The following FAT3 variants were observed in gnomAD, a reference collection of about 807,000 sequenced individuals.
The protein encoded by FAT3 is protocadherin Fat 3.
Under a neutral mutation model 310.2 loss-of-function variants are expected in FAT3, and 95 were observed. That is an observed-to-expected ratio of 0.31 (90% CI 0.26 to 0.36). The LOEUF is 0.36. Ranked by LOEUF, FAT3 falls within the 10% of genes least tolerant of loss-of-function variation. The pLI is 1.00. For synonymous variants in FAT3, 2,314 were observed against 2,192.9 expected (o/e 1.06, Z -1.54); for missense variants, 5,408 against 5,715.6 (o/e 0.95, Z 1.74).
chr11:92,827,608 C>G (rs902466440), intron 13 of FAT3, among the ~76,000 whole-genome samples: 1 of 152,148 alleles, frequency 6.6e-6, no homozygotes, highest in African/African-American at 2.4e-5. Flanking sequence ...TGTACAGTCC[C>G]ACGTCCAAAA....
chr11:92,550,428 A>G (rs556200334), intron 3 of FAT3, among the ~76,000 whole-genome samples: 1 of 152,346 alleles, frequency 6.6e-6, no homozygotes, highest in East Asian at 1.9e-4. Flanking sequence ...ATTTAAATAT[A>G]TATACTGGCT....
chr11:92,845,275 G>T (rs1041139045), intron 19 of FAT3, among the ~76,000 whole-genome samples: 44 of 152,370 alleles, frequency 2.9e-4, no homozygotes, highest in African/African-American at 9.4e-4. Flanking sequence ...AAGGCAGTGA[G>T]AGCCATTGGC....
At chr11:92,521,504 A>C (rs1003412103) in intron 2 of FAT3, among the ~76,000 whole-genome samples, 4 of 137,808 alleles carry the variant, frequency 2.9e-5, no homozygotes, top group African/African-American at 1.1e-4. Context: ...TTTAACACGT[A>C]CTCAGCATGT....
In FAT3 at chr11:92,376,702, C is replaced by G. The variant is rs10765549; in HGVS notation, c.3292+21298C>G. Among the ~76,000 whole-genome samples the G allele has an allele frequency of 1.3e-5, 2 of 151,820 alleles. 1 individual carries two copies. The highest frequency in any genetic ancestry group is 4.2e-4 in the South Asian group (2 of 4,764). ...CCCCTCTCAAATGGATCCCAGAATC[C>G]CTCACTTTGGATAGTGGTTGTGGTT... On this transcript the variant is annotated intron_variant, in intron 2 of 27. Transcript: ENST00000525166.
chr11:92,252,770 C>G (rs773857733), intron 1 of FAT3, among the ~76,000 whole-genome samples: 11 of 152,078 alleles, frequency 7.2e-5, no homozygotes, highest in Non-Finnish European at 1.6e-4. Flanking sequence ...AAGACAGATT[C>G]ACAAATCCCA....
chr11:92,261,772 G>A (rs1315504358), intron 1 of FAT3, among the ~76,000 whole-genome samples: 1 of 151,970 alleles, frequency 6.6e-6, no homozygotes, highest in Non-Finnish European at 1.5e-5. Context: ...ACACAACTAG[G>A]TTAAGTGCAA....
At chr11:92,400,091 T>C (rs1036095003) in intron 2 of FAT3, 9 of 152,204 alleles carry the variant, frequency 5.9e-5, no homozygotes, top group African/African-American at 2.2e-4. Flanking sequence ...CACTTCGCAG[T>C]GGAGTAGCTT....
chr11:92,369,111 A>G (rs1949114039), intron 2 of FAT3, among the ~76,000 whole-genome samples: 1 of 152,142 alleles, frequency 6.6e-6, no homozygotes, highest in Non-Finnish European at 1.5e-5. Context: ...GTGATGTAAA[A>G]TGTAATCAAG....
At chr11:92,715,822 A>G (rs573144153) in intron 4 of FAT3, among the ~76,000 whole-genome samples, 3 of 151,958 alleles carry the variant, frequency 2.0e-5, no homozygotes, top group African/African-American at 4.8e-5. Flanking sequence ...GATCAACGTA[A>G]AAGAAGAGAA....
intron 19 of FAT3, among the ~76,000 whole-genome samples, chr11:92,856,637 C>T (rs1041992582): frequency 6.6e-6 from 1 of 152,108 alleles, no homozygotes; most frequent in African/African-American, 2.4e-5. Flanking sequence ...TGGTAGGGCA[C>T]ATTTACAGCT....
chr11:92,850,372 T>C (rs1401293917), intron 19 of FAT3, among the ~76,000 whole-genome samples: 1 of 152,202 alleles, frequency 6.6e-6, no homozygotes, highest in African/African-American at 2.4e-5. Context: ...TATTCCTTTC[T>C]ATAGTCCACC....
chr11:92,692,925 G>A (rs546959168), intron 3 of FAT3, among the ~76,000 whole-genome samples: 18 of 152,232 alleles, frequency 1.2e-4, no homozygotes, highest in Admixed American at 2.6e-4. Context: ...ACACAGCTGC[G>A]ACCCAGGACA....
intron 12 of FAT3, 81 bp from the exon 13 acceptor site, chr11:92,809,762 T>G: frequency 1.9e-6 from 2 of 1,032,294 alleles, no homozygotes; most frequent in Non-Finnish European, 2.9e-6. Context: ...TGAGAATTGT[T>G]TGTATAATTG....
At chr11:92,368,383 A>T (rs923527269) in intron 2 of FAT3, among the ~76,000 whole-genome samples, 1 of 152,176 alleles carries the variant, frequency 6.6e-6, no homozygotes, top group African/African-American at 2.4e-5. Flanking sequence ...ACTTTTACAG[A>T]TACTCTTGCT....
intron 12 of FAT3, among the ~76,000 whole-genome samples, chr11:92,809,628 A>C (rs916104793): frequency 1.3e-5 from 2 of 152,252 alleles, no homozygotes; most frequent in African/African-American, 2.4e-5. Context: ...TTTGAAGGTC[A>C]CACAGCTGTT....
At position 92,883,183 on chromosome 11, in the gene FAT3, A is replaced by C; in HGVS notation, c.12727A>C (p.Ser4243Arg). ...RPMAYTPCFQ[S>R]DSRSNLDKIV... ...CATGGCCTACACACCCTGCTTCCAGAGTGACTCCAGGAGCAACCTGGATAA... is the reference window on the plus strand; with the variant it reads ...CATGGCCTACACACCCTGCTTCCAGCGTGACTCCAGGAGCAACCTGGATAA... Residue 4243 changes from serine (S) to arginine (R), a missense_variant, in exon 24 of 28, where the codon AGT becomes CGT. By Grantham distance (110) the Ser-to-Arg change is moderately radical (BLOSUM62 -1). Around this residue, in one of 5 missense-constraint regions of FAT3, gnomAD observed 649 missense variants for 666.2 expected, o/e 0.97. Transcript: ENST00000525166. This position sits in a 1 kb window ranked among gnomAD's most constrained non-coding sequence, Gnocchi z 4.2. 6.2e-7 allele frequency: 1 copy of C among 1,613,404 alleles called. No homozygotes were observed. The highest frequency in any genetic ancestry group is 8.5e-7 in the Non-Finnish European group (1 of 1,179,824).
intron 1 of FAT3, among the ~76,000 whole-genome samples, chr11:92,278,208 T>C (rs765102973): frequency 6.6e-6 from 1 of 152,180 alleles, no homozygotes; most frequent in Admixed American, 6.5e-5. Context: ...TATGTTAAAG[T>C]TACATGTTTA....
intron 3 of FAT3, among the ~76,000 whole-genome samples, chr11:92,685,302 A>G (rs925469057): frequency 2.0e-5 from 3 of 152,204 alleles, no homozygotes; most frequent in Non-Finnish European, 2.9e-5. Flanking sequence ...ATTAACCTCA[A>G]TTAACCAAAC....
At chr11:92,848,972 G>A (rs527583353) in intron 19 of FAT3, among the ~76,000 whole-genome samples, 56 of 152,352 alleles carry the variant, frequency 3.7e-4, no homozygotes, top group South Asian at 1.0e-3. Context: ...TTCAGTGCAC[G>A]GATCGAGGTA....
Sources: gnomAD v4.1 joint callset for allele counts (sites outside exome capture counted in the v4.1 genomes callset) on GRCh38, gnomAD v4.1.1 for gene constraint, gnomAD v4.1.1 regional missense constraint, Gnocchi (gnomAD v3.1) non-coding constraint, MANE v1.5 for transcripts, NCBI Gene and HGNC (gene_info 2026-07-23, HGNC 2026-07-21) for gene names.